USH2A: variants seen among roughly 807,000 people sequenced by gnomAD.
USH2A encodes usherin, also known as Usher syndrome 2A (autosomal recessive, mild).
Under a neutral mutation model 538.9 loss-of-function variants are expected in USH2A, and 443 were observed. The observed-to-expected ratio is 0.82, with a 90% CI of 0.76 to 0.89. USH2A has a LOEUF of 0.89. Ranked by LOEUF, USH2A falls within the 40% of genes least tolerant of loss-of-function variation. USH2A has a pLI of 0.00. For missense variants in USH2A, 6,633 were observed against 6,324.8 expected, an observed-to-expected ratio of 1.05 and a Z score of -1.65; for synonymous variants, 2,413 against 2,273.5, an observed-to-expected ratio of 1.06 and a Z score of -1.75.
chr1:215,971,973 G>A (rs1213492877), intron 35 of USH2A, among the ~76,000 whole-genome samples: 1 of 152,164 alleles, frequency 6.6e-6, no homozygotes, highest in Admixed American at 6.5e-5. Context: ...GAAGCATAGA[G>A]TGATTGCTAT....
chr1:216,030,223 TG>T (rs1314277772), intron 32 of USH2A, among the ~76,000 whole-genome samples: 11 of 140,118 alleles, frequency 7.9e-5, no homozygotes, highest in African/African-American at 2.8e-4. Flanking sequence ...ATATTATATA[TG>T]ATATATAGAT....
intron 3 of USH2A, among the ~76,000 whole-genome samples, chr1:216,373,436 T>C (rs1377098378): frequency 6.6e-6 from 1 of 152,178 alleles, no homozygotes; most frequent in Non-Finnish European, 1.5e-5. Flanking sequence ...ATTCTATCTG[T>C]AATGCAGCTC....
intron 3 of USH2A, among the ~76,000 whole-genome samples, chr1:216,394,660 T>C (rs1409272304): frequency 6.6e-6 from 1 of 151,490 alleles, no homozygotes; most frequent in Non-Finnish European, 1.5e-5. Flanking sequence ...CCACAATGTC[T>C]CTAAATTGTC....
At chr1:215,798,811 T>C in intron 50 of USH2A, 96 bp downstream of exon 50, 7 of 1,389,756 alleles carry the variant, frequency 5.0e-6, no homozygotes, top group Non-Finnish European at 7.1e-6. Flanking sequence ...CAATGTGAGC[T>C]TTAATTACTT....
intron 37 of USH2A, among the ~76,000 whole-genome samples, chr1:215,947,189 A>C (rs144408472): frequency 6.6e-6 from 1 of 152,030 alleles, no homozygotes; most frequent in African/African-American, 2.4e-5. Context: ...GACTACAGGC[A>C]TGCACCACCA....
chr1:216,377,889 AAGG>A (rs2038864819), intron 3 of USH2A, among the ~76,000 whole-genome samples: 2 of 150,500 alleles, frequency 1.3e-5, no homozygotes, highest in African/African-American at 4.9e-5. Flanking sequence ...GAAAGGAAGG[AAGG>A]AAGAAAGAAA....
rs188089655 is a variant in USH2A at position 216,005,988 on chromosome 1, C to T, written c.6326-5426G>A. On this transcript the variant is annotated intron_variant, in intron 32 of 71. Transcript: ENST00000307340. ...AGAAGATATGCCCCAACCTAGTTAA[C>T]GCATGCCCCCATCACATCTCCGGTC... Among the ~76,000 whole-genome samples the T allele has an allele frequency of 5.1e-4, 78 of 152,214 alleles. 2 individuals are homozygous for T. The East Asian group carries it at 0.012, about 24-fold the overall frequency.
intron 9 of USH2A, among the ~76,000 whole-genome samples, chr1:216,313,767 C>T (rs2037462314): frequency 6.6e-6 from 1 of 151,960 alleles, no homozygotes; most frequent in Non-Finnish European, 1.5e-5. Context: ...TTTCTTGTTT[C>T]TAATTGATGG....
intron 11 of USH2A, among the ~76,000 whole-genome samples, chr1:216,268,513 T>TGGGCA (rs1485572102): frequency 6.6e-6 from 1 of 152,118 alleles, no homozygotes; most frequent in Non-Finnish European, 1.5e-5. Context: ...GAGCAAATAG[T>TGGGCA]GGGCAGGAAA....
At chr1:215,786,631 C>T in intron 52 of USH2A, 39 bp downstream of exon 52, 1 of 1,605,692 alleles carries the variant, frequency 6.2e-7, no homozygotes, top group Non-Finnish European at 8.5e-7. Context: ...TTCTCACTAA[C>T]CCCATTAAGC....
At chr1:215,881,709 A>G (rs1233700365) in intron 41 of USH2A, among the ~76,000 whole-genome samples, 1 of 152,212 alleles carries the variant, frequency 6.6e-6, no homozygotes, top group East Asian at 1.9e-4. Flanking sequence ...ATTACATTAA[A>G]ACTTTTAAAT....
chr1:215,697,447 T>A (rs958214559), intron 61 of USH2A, among the ~76,000 whole-genome samples: 2 of 152,176 alleles, frequency 1.3e-5, no homozygotes, highest in East Asian at 1.9e-4. Context: ...ATTGCTGTGT[T>A]TGTCAGTGAA....
intron 21 of USH2A, among the ~76,000 whole-genome samples, chr1:216,127,853 G>A (rs1041017518): frequency 1.3e-5 from 2 of 152,258 alleles, no homozygotes; most frequent in East Asian, 3.9e-4. Flanking sequence ...TAAAGCATCA[G>A]TATGGCAGAA....
rs1324741 is a variant in USH2A at position 216,091,026 on chromosome 1, T to C, written c.4759-1887A>G. Among the ~76,000 whole-genome samples, 598 of 152,286 alleles carry C rather than the reference T, an allele frequency of 3.9e-3. 1 individual carries two copies. Among genetic ancestry groups the C allele is most frequent in the South Asian group, 8.9e-3 (43 of 4,826 alleles). ...TTCTCTACATCAGAAATCAAGTTTA[T>C]TGGAGACAAATTCAAGTACATTACC... On this transcript the variant is annotated intron_variant, in intron 22 of 71. Coordinates refer to ENST00000307340, the MANE Select transcript of USH2A (RefSeq NM_206933.4).
rs763161571 is a variant in USH2A, at chr1:216,171,844, ATCT to A, written c.4627+3405_4627+3407del. Among the ~76,000 whole-genome samples, 9 of 152,244 alleles carry A rather than the reference ATCT, an allele frequency of 5.9e-5. No individual in the cohort carries two copies. In the East Asian group the frequency reaches 1.2e-3, roughly 20 times the overall value. On this transcript the variant is annotated intron_variant, in intron 21 of 71. Coordinates refer to ENST00000307340, the MANE Select transcript of USH2A (RefSeq NM_206933.4). ...GGATTTGAAAGTAATTTATCAGTTAATCTTCTTCGAAGTCCTCATAATAATATA... is the reference window on the plus strand; with the variant it reads ...GGATTTGAAAGTAATTTATCAGTTAATCTTCGAAGTCCTCATAATAATATA...
At chr1:215,633,107 G>T (rs2675227) in intron 70 of USH2A, among the ~76,000 whole-genome samples, 16,232 of 152,210 alleles carry the variant, frequency 0.11, 1,246 homozygotes, top group Non-Finnish European at 0.17. Context: ...GGGTTAAGGG[G>T]CTAGGAAATT....
chr1:215,639,602 T>TA (rs1656611117), intron 68 of USH2A, among the ~76,000 whole-genome samples: 2 of 152,170 alleles, frequency 1.3e-5, no homozygotes, highest in Admixed American at 1.3e-4. Context: ...TAGAGTTTCT[T>TA]ACTGAACAGG....
intron 36 of USH2A, among the ~76,000 whole-genome samples, chr1:215,969,451 G>A (rs906021190): frequency 3.9e-5 from 6 of 152,198 alleles, no homozygotes; most frequent in South Asian, 2.1e-4. Flanking sequence ...AGGAGACACC[G>A]CTGAGCCAAT....
intron 61 of USH2A, among the ~76,000 whole-genome samples, chr1:215,712,187 A>T (rs1659355708): frequency 6.6e-6 from 1 of 152,224 alleles, no homozygotes; most frequent in Non-Finnish European, 1.5e-5. Context: ...AAAATTGGTC[A>T]CAGTTTAATG....
Sources: allele counts gnomAD v4.1 joint callset (sites outside exome capture counted in the v4.1 genomes callset), GRCh38; gene constraint gnomAD v4.1.1; transcripts MANE v1.5; gene names NCBI Gene and HGNC (gene_info 2026-07-23, HGNC 2026-07-21).